The following HIPK2 variants were observed in gnomAD, a reference collection of about 807,000 sequenced individuals.
HIPK2 encodes homeodomain interacting protein kinase 2.
In HIPK2, 27 loss-of-function variants were observed where a neutral mutation model predicts 113.7. The ratio of observed to expected loss-of-function variants is 0.24; its 90% CI spans 0.17 to 0.33. HIPK2 has a LOEUF of 0.33. Ranked by LOEUF, HIPK2 falls within the 10% of genes least tolerant of loss-of-function variation. HIPK2 has a pLI of 1.00. For synonymous variants in HIPK2, 631 were observed against 642.2 expected, an observed-to-expected ratio of 0.98 and a Z score of 0.26; for missense variants, 1,257 against 1,588.0, an observed-to-expected ratio of 0.79 and a Z score of 3.54.
Position 139,716,303 on chromosome 7 carries a change from C to T in HIPK2, c.732G>A (p.Val244=), listed in dbSNP as rs970072725. ...PSYARQGQIE[V]SILARLSTES... ...CCGTGCTCAACCGGGCCAGGATGCT[C>T]ACTTCAATCTGACCTTGTCGGGCAT... The change falls in exon 2 of 15, where the codon GTG becomes GTA. Residue 244 remains valine (V), a synonymous_variant. Transcript: ENST00000406875. The surrounding 1 kb of genome is among the most constrained non-coding windows in gnomAD (Gnocchi z 9.3). 15 of 1,614,192 alleles carry T rather than the reference C, an allele frequency of 9.3e-6. No individual in the cohort carries two copies. The East Asian group carries it at 2.7e-4, about 29-fold the overall frequency.
chr7:139,620,636 G>A, intron 6 of HIPK2, 73 bp from the exon 7 acceptor site: 2 of 1,546,574 alleles, frequency 1.3e-6, no homozygotes, highest in Non-Finnish European at 1.8e-6. Context: ...ATGAAGGGGA[G>A]AAAACAAAGG....
intron 9 of HIPK2, among the ~76,000 whole-genome samples, chr7:139,607,140 A>G (rs574474365): frequency 6.6e-6 from 1 of 152,318 alleles, no homozygotes; most frequent in Non-Finnish European, 1.5e-5. Context: ...ACCATTCAAA[A>G]GGAGGTTTCA....
At chr7:139,740,900 A>G (rs868709545) in intron 1 of HIPK2, among the ~76,000 whole-genome samples, 3 of 152,314 alleles carry the variant, frequency 2.0e-5, no homozygotes, top group Middle Eastern at 3.4e-3. Context: ...TAATCCCAGC[A>G]CTTTGAGAGG....
chr7:139,749,537 C>T (rs1796245513), intron 1 of HIPK2, among the ~76,000 whole-genome samples: 1 of 152,354 alleles, frequency 6.6e-6, no homozygotes, highest in Admixed American at 6.5e-5. Context: ...TCACATCAGG[C>T]TAAGAAAGCT....
intron 1 of HIPK2, among the ~76,000 whole-genome samples, chr7:139,763,231 A>G (rs948538095): frequency 2.0e-5 from 3 of 152,214 alleles, no homozygotes; most frequent in African/African-American, 7.2e-5. Context: ...ATTTTCTTCC[A>G]AGTGTGATGG....
chr7:139,623,197 C>A lies in HIPK2; in HGVS notation c.1620-2634G>T, dbSNP rs186586259. Among the ~76,000 whole-genome samples the A allele has an allele frequency of 3.4e-4, 51 of 152,226 alleles. No individual in the cohort carries two copies. In the East Asian group the frequency reaches 8.9e-3, roughly 27 times the overall value. On this transcript the variant is annotated intron_variant, in intron 6 of 14. Coordinates refer to ENST00000406875, the MANE Select transcript of HIPK2 (RefSeq NM_022740.5). ...TACAGATGGACAGCTCTGTGGCTGA[C>A]CCCTATGGCACTCAGAAACAGGACA...
At chr7:139,743,616 G>A (rs1343167063) in intron 1 of HIPK2, among the ~76,000 whole-genome samples, 1 of 152,196 alleles carries the variant, frequency 6.6e-6, no homozygotes, top group Non-Finnish European at 1.5e-5. Context: ...CTTGGTAGTA[G>A]CCACTGCCCT....
chr7:139,662,671 G>A (rs960402451), intron 2 of HIPK2, among the ~76,000 whole-genome samples: 1 of 149,748 alleles, frequency 6.7e-6, no homozygotes, highest in Non-Finnish European at 1.5e-5. Context: ...CCAGGCTGGA[G>A]CACAGTGGCG....
intron 12 of HIPK2, among the ~76,000 whole-genome samples, chr7:139,593,847 A>G (rs1349264174): frequency 6.6e-6 from 1 of 152,200 alleles, no homozygotes; most frequent in Non-Finnish European, 1.5e-5. Context: ...TGGGACACAG[A>G]AGGGCTGGGG....
At chr7:139,747,649 G>A (rs1306352571) in intron 1 of HIPK2, among the ~76,000 whole-genome samples, 1 of 152,212 alleles carries the variant, frequency 6.6e-6, no homozygotes, top group African/African-American at 2.4e-5. Context: ...CTAGGCCCCT[G>A]TGGCTGAGGA....
intron 14 of HIPK2, 116 bp from the exon 15 acceptor site, chr7:139,573,513 T>C (rs1045693101): frequency 2.2e-6 from 2 of 925,142 alleles, no homozygotes; most frequent in South Asian, 3.2e-5. Context: ...CCAGAAGTAA[T>C]AGAAGGGGCT....
chr7:139,667,317 A>T (rs967100417), intron 2 of HIPK2, among the ~76,000 whole-genome samples: 1 of 152,248 alleles, frequency 6.6e-6, no homozygotes. Flanking sequence ...TTAATATTTA[A>T]TCTTTAGAAA....
intron 2 of HIPK2, among the ~76,000 whole-genome samples, chr7:139,633,813 C>T (rs1442409539): frequency 6.6e-6 from 1 of 151,868 alleles, no homozygotes; most frequent in Non-Finnish European, 1.5e-5. Context: ...GGCGTGGTGG[C>T]GCAGGTCTGT....
At chr7:139,590,229 T>C (rs1462628777) in intron 12 of HIPK2, among the ~76,000 whole-genome samples, 1 of 152,150 alleles carries the variant, frequency 6.6e-6, no homozygotes, top group Non-Finnish European at 1.5e-5. Context: ...GTGAGAAATA[T>C]TTGCTGAAAT....
intron 2 of HIPK2, among the ~76,000 whole-genome samples, chr7:139,681,604 T>C (rs1802702160): frequency 6.6e-6 from 1 of 152,100 alleles, no homozygotes; most frequent in African/African-American, 2.4e-5. Context: ...GAACAAAGCC[T>C]CCTTTCCTGC....
At chr7:139,604,051 C>G (rs940535264) in intron 10 of HIPK2, 30 bp downstream of exon 10, 3 of 1,613,302 alleles carry the variant, frequency 1.9e-6, no homozygotes, top group South Asian at 2.2e-5. Flanking sequence ...CCAGACACAC[C>G]CACTCACCCT....
chr7:139,724,152 G>C (rs1276382532), intron 1 of HIPK2, among the ~76,000 whole-genome samples: 1 of 152,018 alleles, frequency 6.6e-6, no homozygotes, highest in East Asian at 1.9e-4. Flanking sequence ...TTGGAAATAT[G>C]CATCTAAATG....
chr7:139,727,804 C>T (rs751523681), intron 1 of HIPK2, among the ~76,000 whole-genome samples: 3 of 152,208 alleles, frequency 2.0e-5, no homozygotes, highest in Non-Finnish European at 4.4e-5. Context: ...CAATCCAATC[C>T]AGTGCTGAAG....
At chr7:139,746,480 C>A (rs1796192434) in intron 1 of HIPK2, among the ~76,000 whole-genome samples, 2 of 152,130 alleles carry the variant, frequency 1.3e-5, no homozygotes, top group Admixed American at 6.5e-5. Flanking sequence ...GAAAAGACAG[C>A]GACTGTGCTG....
Sources: gnomAD v4.1 joint callset for allele counts (sites outside exome capture counted in the v4.1 genomes callset) on GRCh38, gnomAD v4.1.1 for gene constraint, Gnocchi (gnomAD v3.1) non-coding constraint, MANE v1.5 for transcripts, NCBI Gene and HGNC (gene_info 2026-07-23, HGNC 2026-07-21) for gene names.